The following SLFN12L variants were observed in gnomAD, a reference collection of about 807,000 sequenced individuals.
The protein encoded by SLFN12L is schlafen family member 12-like.
In SLFN12L, 34 loss-of-function variants were observed where a neutral mutation model predicts 34.8. That is an observed-to-expected ratio of 0.98 (90% CI 0.74 to 1.30). The LOEUF (loss-of-function observed/expected upper bound fraction) is 1.30. Ranked by LOEUF, SLFN12L falls within the 50% of genes most tolerant of loss-of-function variation. The pLI, the probability that SLFN12L is intolerant of heterozygous loss-of-function variation, is 0.00. For synonymous variants in SLFN12L, 259 were observed against 247.5 expected (o/e 1.05, Z -0.44); for missense variants, 703 against 696.2 (o/e 1.01, Z -0.11).
At chr17:35,503,117 T>G (rs115014114) in intron 2 of SLFN12L, among the ~76,000 whole-genome samples, 198 of 152,326 alleles carry the variant, frequency 1.3e-3, no homozygotes, top group African/African-American at 4.5e-3. Flanking sequence ...ATAAGGAAAG[T>G]AAAGTATACC....
intron 2 of SLFN12L, among the ~76,000 whole-genome samples, chr17:35,492,794 C>T (rs1258622880): frequency 1.3e-5 from 2 of 152,120 alleles, no homozygotes; most frequent in South Asian, 2.1e-4. Context: ...GTAGTATCTC[C>T]GGTCCATTCC....
intron 2 of SLFN12L, chr17:35,498,859 C>A (rs1915191116): frequency 1.4e-6 from 1 of 720,364 alleles, no homozygotes; most frequent in East Asian, 2.6e-5. Flanking sequence ...AGTGGCAGCT[C>A]CTCCCGCAGT....
chr17:35,490,192 A>T, intron 2 of SLFN12L: 1 of 1,601,608 alleles, frequency 6.2e-7, no homozygotes, highest in Non-Finnish European at 8.5e-7. Context: ...CAGCGCTGGG[A>T]CGAGGCGGCA....
At position 35,475,106 on chromosome 17, in the gene SLFN12L, C is replaced by T. The variant is rs1913922634; in HGVS notation, c.1656G>A (p.Gln552=). The change falls in exon 5 of 5, where the codon CAG becomes CAA. Residue 552 remains glutamine (Q), a synonymous_variant. Coordinates refer to ENST00000628453, the MANE Select transcript of SLFN12L (RefSeq NM_001363830.2). ...YLSPEGKTSC[Q]YDLNSQVIYP... The stretch of plus-strand genomic sequence containing the variant: ...AAATTACTTGCGAGTTTAAATCATA[C>T]TGGCAGCTTGTCTTGCCTTCAGGGC... The T allele has an allele frequency of 6.2e-7, 1 of 1,614,018 alleles. No homozygotes were observed.
intron 1 of SLFN12L, among the ~76,000 whole-genome samples, chr17:35,526,078 C>A (rs183034104): frequency 6.6e-6 from 1 of 152,100 alleles, no homozygotes; most frequent in African/African-American, 2.4e-5. Context: ...ATAAAACAGA[C>A]TTTAAACCAA....
chr17:35,494,238 AC>A (rs1474752835), intron 2 of SLFN12L, among the ~76,000 whole-genome samples: 7 of 149,122 alleles, frequency 4.7e-5, no homozygotes, highest in African/African-American at 9.9e-5. Flanking sequence ...TAAAAAAAAA[AC>A]AACAAAAAAG....
At chr17:35,537,135 G>A (rs2072469914) in intron 1 of SLFN12L, among the ~76,000 whole-genome samples, 1 of 151,858 alleles carries the variant, frequency 6.6e-6, no homozygotes, top group Non-Finnish European at 1.5e-5. Flanking sequence ...AGTTGTGATC[G>A]CACCACTGCA....
At chr17:35,525,838 A>T (rs2072329272) in intron 1 of SLFN12L, among the ~76,000 whole-genome samples, 2 of 152,346 alleles carry the variant, frequency 1.3e-5, no homozygotes, top group East Asian at 3.9e-4. Flanking sequence ...TAGTAACAGG[A>T]TCAAATTCAC....
At chr17:35,520,286 T>C (rs1400307610) in intron 2 of SLFN12L, among the ~76,000 whole-genome samples, 1 of 152,238 alleles carries the variant, frequency 6.6e-6, no homozygotes, top group Non-Finnish European at 1.5e-5. Context: ...TTTTAGTAAC[T>C]TTCTTCTGAT....
chr17:35,504,741 T>C (rs1348006028), intron 2 of SLFN12L, among the ~76,000 whole-genome samples: 1 of 152,216 alleles, frequency 6.6e-6, no homozygotes, highest in Non-Finnish European at 1.5e-5. Flanking sequence ...AGTTCACTTC[T>C]TGTCTCTCAC....
At position 35,532,838 on chromosome 17, in the gene SLFN12L, A is replaced by G. The variant is rs532801446; in HGVS notation, c.-606+4735T>C. On this transcript the variant is annotated intron_variant, in intron 1 of 4. Transcript: ENST00000628453. ...AACCCAGGAGGCAGAGGTTGCAGTG[A>G]ACAAAAATCATTCCACTGCACTCCA... Among the ~76,000 whole-genome samples, 52 of 152,304 alleles carry G rather than the reference A, an allele frequency of 3.4e-4. 1 individual carries two copies. Among genetic ancestry groups the G allele is most frequent in the African/African-American group, 1.0e-3 (43 of 41,588 alleles).
At chr17:35,519,728 C>T (rs1276749777) in intron 2 of SLFN12L, among the ~76,000 whole-genome samples, 1 of 152,104 alleles carries the variant, frequency 6.6e-6, no homozygotes, top group African/African-American at 2.4e-5. Flanking sequence ...TAAGACATGT[C>T]GATCGCATAC....
chr17:35,495,907 ACACACACACAC>A (rs1365767917), intron 2 of SLFN12L, among the ~76,000 whole-genome samples: 1 of 34,602 alleles, frequency 2.9e-5, no homozygotes, highest in Admixed American at 2.4e-4. Context: ...TGAAACACAC[ACACACACACAC>A]ACACACACAC....
intron 2 of SLFN12L, chr17:35,498,573 T>C: frequency 1.3e-6 from 2 of 1,553,410 alleles, no homozygotes; most frequent in Non-Finnish European, 1.8e-6. Context: ...GGAAAGTTTT[T>C]ACAGCCGCTT....
chr17:35,492,650 G>A (rs1431716525), intron 2 of SLFN12L, among the ~76,000 whole-genome samples: 2 of 152,174 alleles, frequency 1.3e-5, no homozygotes, highest in Admixed American at 1.3e-4. Context: ...ATTCCAGGGT[G>A]TCTCCCGCTT....
In SLFN12L at chr17:35,471,476, G is replaced by T. The variant is rs558189073; in HGVS notation, c.*3447C>A. Among the ~76,000 whole-genome samples, 64 of 152,148 alleles carry T rather than the reference G, an allele frequency of 4.2e-4. No homozygotes were observed. In the South Asian group the frequency reaches 0.012, roughly 28 times the overall value. On this transcript the variant is annotated 3_prime_UTR_variant, in exon 5 of 5. Coordinates refer to ENST00000628453, the MANE Select transcript of SLFN12L (RefSeq NM_001363830.2). ...TAGTAGAATGATTTACATTCCTTTG[G>T]GTATATACCCAGTAATGGGATTCCT...
At chr17:35,530,405 GGAAGGA>G (rs1567693447) in intron 1 of SLFN12L, among the ~76,000 whole-genome samples, 129 of 11,328 alleles carry the variant, frequency 0.011, 14 homozygotes, top group South Asian at 0.043. Context: ...AAGGAAGGAA[GGAAGGA>G]AGGAAGGAAG....
chr17:35,529,491 TA>T (rs2072369693), intron 1 of SLFN12L, among the ~76,000 whole-genome samples: 1 of 152,198 alleles, frequency 6.6e-6, no homozygotes. Context: ...GTGGCACATA[TA>T]CACCATGGAA....
At chr17:35,532,338 G>A (rs1470055823) in intron 1 of SLFN12L, among the ~76,000 whole-genome samples, 5 of 151,882 alleles carry the variant, frequency 3.3e-5, no homozygotes, top group African/African-American at 1.2e-4. Flanking sequence ...TACTTGGGAG[G>A]CTGAGGAAGG....
Sources: gnomAD v4.1 joint callset for allele counts (sites outside exome capture counted in the v4.1 genomes callset) on GRCh38, gnomAD v4.1.1 for gene constraint, MANE v1.5 for transcripts, NCBI Gene and HGNC (gene_info 2026-07-23, HGNC 2026-07-21) for gene names.